The following PIEZO2 variants were observed in gnomAD, a reference collection of about 807,000 sequenced individuals.
The protein encoded by PIEZO2 is piezo-type mechanosensitive ion channel component 2.
In PIEZO2, 172 loss-of-function variants were observed where a neutral mutation model predicts 337.3. The observed-to-expected ratio is 0.51, with a 90% CI of 0.45 to 0.58. The LOEUF (loss-of-function observed/expected upper bound fraction) is 0.58, where lower values mean the gene tolerates loss of function less well. PIEZO2 is among the 20% of genes least tolerant of loss of function. The pLI, the probability that PIEZO2 is intolerant of heterozygous loss-of-function variation, is 0.00. For synonymous variants in PIEZO2, 1,251 were observed against 1,228.5 expected (o/e 1.02, Z -0.38); for missense variants, 3,028 against 3,391.3 (o/e 0.89, Z 2.66).
intron 3 of PIEZO2, among the ~76,000 whole-genome samples, chr18:10,968,717 A>C (rs1270496389): frequency 1.3e-5 from 2 of 151,648 alleles, no homozygotes; most frequent in East Asian, 3.8e-4. Context: ...ATAAATGGTA[A>C]ATCAATATGC....
chr18:11,074,087 C>A (rs918453140), intron 1 of PIEZO2, among the ~76,000 whole-genome samples: 39 of 152,110 alleles, frequency 2.6e-4, no homozygotes, highest in Non-Finnish European at 8.8e-5. Flanking sequence ...ACCTCAAGAT[C>A]CGCCCGCCTC....
rs1361738068 is a variant in PIEZO2 at position 10,979,550 on chromosome 18, C to A, written c.271G>T (p.Ala91Ser). ...TAATACTCACAGTTGTAGCCAGGTG[C>A]AATACGATGTTGAGCTTCAAGGCTC... The part of the protein sequence containing the change: ...LVSLEAQHRI[A>S]PGYNCSTWEK... Residue 91 changes from alanine (A) to serine (S), a missense_variant, in exon 3 of 56, where the codon GCA becomes TCA. Around this residue, in one of 5 missense-constraint regions of PIEZO2, gnomAD observed 542 missense variants for 605.6 expected, o/e 0.89. Coordinates refer to ENST00000674853, the MANE Select transcript of PIEZO2 (RefSeq NM_001378183.1). The surrounding 1 kb of genome is among the most constrained non-coding windows in gnomAD (Gnocchi z 4.0). 3.1e-5 allele frequency: 47 copies of A among 1,531,184 alleles called. No homozygotes were observed. The highest frequency in any genetic ancestry group is 3.8e-5 in the Non-Finnish European group (43 of 1,142,826). 94.8% of individuals were successfully genotyped at this position (1,531,184 alleles called of 1,614,324 possible).
At chr18:10,728,932 G>C (rs192144176) in intron 36 of PIEZO2, among the ~76,000 whole-genome samples, 1 of 146,750 alleles carries the variant, frequency 6.8e-6, no homozygotes, top group Admixed American at 6.8e-5. Flanking sequence ...TCCAGCCTGG[G>C]CGACAGAGCA....
At position 10,899,037 on chromosome 18, in the gene PIEZO2, C is replaced by T. The variant is rs751336299; in HGVS notation, c.329+12149G>A. On this transcript the variant is annotated intron_variant, in intron 4 of 55. Coordinates refer to ENST00000674853, the MANE Select transcript of PIEZO2 (RefSeq NM_001378183.1). This position sits in a 1 kb window ranked among gnomAD's most constrained non-coding sequence, Gnocchi z 4.6. ...TACAACATGTATTTAGGCAGCTTCA[C>T]ATCCAGGCAACGGGATTGCACTGGA... Among the ~76,000 whole-genome samples, 18 of 152,192 alleles carry T rather than the reference C, an allele frequency of 1.2e-4. No homozygotes were observed. The highest frequency in any genetic ancestry group is 2.5e-4 in the Non-Finnish European group (17 of 68,024).
chr18:10,773,887 C>G lies in PIEZO2; in HGVS notation c.2567+119G>C, dbSNP rs770547206. On this transcript the variant is annotated intron_variant, in intron 19 of 55. Transcript: ENST00000674853. The surrounding 1 kb of genome is among the most constrained non-coding windows in gnomAD (Gnocchi z 5.3). ...TCTAGTGATTAGTTGGTAATGAGAGCTATCAACACCTAAACTTGACATTTT... is the reference window on the plus strand; with the variant it reads ...TCTAGTGATTAGTTGGTAATGAGAGGTATCAACACCTAAACTTGACATTTT... 8 of 643,882 alleles carry G rather than the reference C, an allele frequency of 1.2e-5. No individual in the cohort carries two copies. The highest frequency in any genetic ancestry group is 3.6e-5 in the South Asian group (2 of 56,002). 39.9% of individuals were successfully genotyped at this position (643,882 alleles called of 1,614,324 possible). A position where few individuals can be genotyped will look rare whatever the true frequency, so the allele number is the denominator to read the frequency against.
At position 10,675,273 on chromosome 18, in the gene PIEZO2, A is replaced by C; in HGVS notation, c.8097T>G (p.Ile2699Met). 1 of 1,536,998 alleles carries C rather than the reference A, an allele frequency of 6.5e-7. No homozygotes were observed. The highest frequency in any genetic ancestry group is 8.8e-7 in the Non-Finnish European group (1 of 1,134,560). Residue 2699 changes from isoleucine (I) to methionine (M), a missense_variant, in exon 54 of 56, where the codon ATT (isoleucine) becomes ATG (methionine). Physicochemically the swap from Ile to Met is conservative, Grantham distance 10 (BLOSUM62 1). Around this residue, in one of 5 missense-constraint regions of PIEZO2, gnomAD observed 332 missense variants for 363.8 expected, o/e 0.91. Transcript: ENST00000674853. ...SSKTPVTIEKIYPYYVKAPSD... is the reference protein window; with the variant it reads ...SSKTPVTIEKMYPYYVKAPSD... ...TAGGTGCTTTCACATAATATGGATAAATCTTTTCTATGGTCCTGTACATTA... is the reference window on the plus strand; with the variant it reads ...TAGGTGCTTTCACATAATATGGATACATCTTTTCTATGGTCCTGTACATTA...
At position 10,715,079 on chromosome 18, in the gene PIEZO2, T is replaced by C. The variant is rs190832532; in HGVS notation, c.5257-149A>G. The C allele has an allele frequency of 3.2e-3, 2,379 of 751,722 alleles. 43 individuals are homozygous for C. The African/African-American group carries it at 0.038, about 12-fold the overall frequency. 46.6% of individuals were successfully genotyped at this position (751,722 alleles called of 1,614,324 possible). A position where few individuals can be genotyped will look rare whatever the true frequency, so the allele number is the denominator to read the frequency against. ...TAGGCAAGTGGGGATTGATGTCGACTCATTTCATAAGTGGTTTCCAACATT... is the reference window on the plus strand; with the variant it reads ...TAGGCAAGTGGGGATTGATGTCGACCCATTTCATAAGTGGTTTCCAACATT... On this transcript the variant is annotated intron_variant, in intron 38 of 55. Transcript: ENST00000674853.
At chr18:10,779,611 A>T (rs2038907929) in intron 18 of PIEZO2, among the ~76,000 whole-genome samples, 1 of 152,236 alleles carries the variant, frequency 6.6e-6, no homozygotes, top group Non-Finnish European at 1.5e-5. Context: ...GATGTAAAAT[A>T]TCCCTCTTCA....
chr18:10,860,770 G>A (rs2041850950), intron 5 of PIEZO2, among the ~76,000 whole-genome samples: 1 of 152,230 alleles, frequency 6.6e-6, no homozygotes, highest in Non-Finnish European at 1.5e-5. Context: ...TGCTACGGAT[G>A]TAGATTAAAT....
At chr18:11,123,491 A>G (rs915963828) in intron 1 of PIEZO2, among the ~76,000 whole-genome samples, 3 of 152,220 alleles carry the variant, frequency 2.0e-5, no homozygotes, top group African/African-American at 7.2e-5. Flanking sequence ...CAGTATATTT[A>G]GGGATGAATC....
rs1394360696 is a variant in PIEZO2 at position 10,993,159 on chromosome 18, G to A, written c.161-13499C>T. On this transcript the variant is annotated intron_variant, in intron 2 of 55. Coordinates refer to ENST00000674853, the MANE Select transcript of PIEZO2 (RefSeq NM_001378183.1). The surrounding 1 kb of genome is among the most constrained non-coding windows in gnomAD (Gnocchi z 5.0). The stretch of plus-strand genomic sequence containing the variant: ...TGGGGTTTTCTAAATATACGACCAT[G>A]TCATCTGCAAACAGAGACACTTTGA... Among the ~76,000 whole-genome samples the A allele has an allele frequency of 6.6e-6, 1 of 152,192 alleles. No individual in the cohort carries two copies. Among genetic ancestry groups the A allele is most frequent in the African/African-American group, 2.4e-5 (1 of 41,452 alleles).
intron 30 of PIEZO2, among the ~76,000 whole-genome samples, chr18:10,744,437 G>C (rs956546952): frequency 1.3e-5 from 2 of 152,150 alleles, no homozygotes; most frequent in Non-Finnish European, 2.9e-5. Context: ...CCCCCTGGGA[G>C]TGAAGGGGCT....
intron 4 of PIEZO2, among the ~76,000 whole-genome samples, chr18:10,909,639 AC>A (rs759628138): frequency 1.3e-5 from 2 of 152,194 alleles, no homozygotes; most frequent in Non-Finnish European, 2.9e-5. Context: ...AAAATAAATA[AC>A]GTAAGTGTGG....
intron 2 of PIEZO2, among the ~76,000 whole-genome samples, chr18:11,026,134 A>G (rs1329387166): frequency 1.3e-5 from 2 of 152,210 alleles, no homozygotes; most frequent in Non-Finnish European, 2.9e-5. Flanking sequence ...ACAAACATGC[A>G]ATTGAGTTGC....
chr18:10,974,184 G>T (rs758113319), intron 3 of PIEZO2, among the ~76,000 whole-genome samples: 1 of 152,168 alleles, frequency 6.6e-6, no homozygotes, highest in African/African-American at 2.4e-5. Flanking sequence ...GTAGGCCGAC[G>T]CTTGATACCT....
At chr18:10,770,977 A>G (rs992797391) in intron 20 of PIEZO2, among the ~76,000 whole-genome samples, 2 of 152,130 alleles carry the variant, frequency 1.3e-5, no homozygotes, top group East Asian at 1.9e-4. Flanking sequence ...ATGATCCACC[A>G]GCCTCAGCCT....
Position 11,128,992 on chromosome 18 carries a change from C to G in PIEZO2, c.64+19533G>C, listed in dbSNP as rs957963677. ...GCAGATCAGGGAGTTAAAAAAGGTT[C>G]TAATAGTTTATTTGCTTGGTTGGTT... On this transcript the variant is annotated intron_variant, in intron 1 of 55. Coordinates refer to ENST00000674853, the MANE Select transcript of PIEZO2 (RefSeq NM_001378183.1). This position sits in a 1 kb window ranked among gnomAD's most constrained non-coding sequence, Gnocchi z 4.1. 2.6e-5 allele frequency among the ~76,000 whole-genome samples: 4 copies of G among 152,124 alleles called. No individual in the cohort carries two copies. Among genetic ancestry groups the G allele is most frequent in the African/African-American group, 4.8e-5 (2 of 41,422 alleles).
rs535584740 is a variant in PIEZO2, at chr18:10,940,851, G to A, written c.287-29623C>T. 2.6e-5 allele frequency among the ~76,000 whole-genome samples: 4 copies of A among 150,974 alleles called. No individual in the cohort carries two copies. The South Asian group carries it at 8.4e-4, about 32-fold the overall frequency. ...CACTCCAGCCTGGCTACAGAGCAAG[G>A]CTCCATCTCAAAAAAAAAAAAGAAT... On this transcript the variant is annotated intron_variant, in intron 3 of 55. Coordinates refer to ENST00000674853, the MANE Select transcript of PIEZO2 (RefSeq NM_001378183.1). This position sits in a 1 kb window ranked among gnomAD's most constrained non-coding sequence, Gnocchi z 5.3.
intron 4 of PIEZO2, among the ~76,000 whole-genome samples, chr18:10,907,107 A>T (rs529665517): frequency 6.6e-6 from 1 of 152,200 alleles, no homozygotes; most frequent in Non-Finnish European, 1.5e-5. Flanking sequence ...TTAGAAGCCC[A>T]TATTTCAGAA....
Sources: gnomAD v4.1 joint callset for allele counts (sites outside exome capture counted in the v4.1 genomes callset) on GRCh38, gnomAD v4.1.1 for gene constraint, gnomAD v4.1.1 regional missense constraint, Gnocchi (gnomAD v3.1) non-coding constraint, MANE v1.5 for transcripts, NCBI Gene and HGNC (gene_info 2026-07-23, HGNC 2026-07-21) for gene names.